Variants in CNTNAP4 observed in about 807,000 individuals in gnomAD.
CNTNAP4 encodes contactin associated protein family member 4, also known as contactin-associated protein-like 4.
Under a neutral mutation model 148.4 loss-of-function variants are expected in CNTNAP4, and 98 were observed. The ratio of observed to expected loss-of-function variants is 0.66; its 90% CI spans 0.56 to 0.78. The LOEUF (loss-of-function observed/expected upper bound fraction) is 0.78, where lower values mean the gene tolerates loss of function less well. CNTNAP4 is among the 30% of genes least tolerant of loss of function. The pLI is 0.00. For synonymous variants in CNTNAP4, 730 were observed against 565.1 expected (o/e 1.29, Z -4.14); for missense variants, 1,935 against 1,565.6 (o/e 1.24, Z -3.98).
chr16:76,299,472 G>A (rs1041183116), intron 1 of CNTNAP4, among the ~76,000 whole-genome samples: 9 of 151,952 alleles, frequency 5.9e-5, no homozygotes, highest in East Asian at 1.9e-4. Flanking sequence ...TTAGAATGGC[G>A]ATCATTAAAA....
chr16:76,459,417 A>G (rs2080856692), intron 8 of CNTNAP4, among the ~76,000 whole-genome samples: 1 of 150,572 alleles, frequency 6.6e-6, no homozygotes, highest in Admixed American at 6.7e-5. Flanking sequence ...TATCTTACAC[A>G]AACCAAACCA....
At chr16:76,367,434 G>T (rs1394712682) in intron 3 of CNTNAP4, among the ~76,000 whole-genome samples, 1 of 152,026 alleles carries the variant, frequency 6.6e-6, no homozygotes, top group Non-Finnish European at 1.5e-5. Context: ...GATAATATAT[G>T]GAAGGCTGCA....
intron 10 of CNTNAP4, among the ~76,000 whole-genome samples, chr16:76,468,367 G>T (rs912932211): frequency 6.6e-6 from 1 of 152,008 alleles, no homozygotes; most frequent in African/African-American, 2.4e-5. Context: ...CCAGCTACTC[G>T]GGAGGCTGAG....
chr16:76,350,066 G>C (rs992782574), intron 2 of CNTNAP4, among the ~76,000 whole-genome samples: 3 of 151,786 alleles, frequency 2.0e-5, no homozygotes, highest in African/African-American at 7.3e-5. Flanking sequence ...TTAGTAGATG[G>C]GATATATGAG....
intron 3 of CNTNAP4, among the ~76,000 whole-genome samples, chr16:76,400,003 A>G (rs912720204): frequency 1.3e-5 from 2 of 152,022 alleles, no homozygotes; most frequent in Non-Finnish European, 2.9e-5. Context: ...ATTAATACAA[A>G]CTATTTTAAT....
At chr16:76,551,635 A>G (rs2084956526) in intron 21 of CNTNAP4, among the ~76,000 whole-genome samples, 1 of 152,132 alleles carries the variant, frequency 6.6e-6, no homozygotes, top group Admixed American at 6.5e-5. Context: ...CTTCAGGTGA[A>G]TAGTTAAAAT....
intron 2 of CNTNAP4, among the ~76,000 whole-genome samples, chr16:76,329,754 C>G (rs759640323): frequency 6.6e-6 from 1 of 151,886 alleles, no homozygotes; most frequent in Non-Finnish European, 1.5e-5. Context: ...TTAATAGTAA[C>G]AGTATAAAAT....
chr16:76,380,697 G>A (rs1206592114), intron 3 of CNTNAP4, among the ~76,000 whole-genome samples: 3 of 152,066 alleles, frequency 2.0e-5, no homozygotes, highest in Non-Finnish European at 4.4e-5. Context: ...TATAGCTGAA[G>A]GGCTGTGTTC....
intron 12 of CNTNAP4, among the ~76,000 whole-genome samples, chr16:76,486,566 A>G (rs1456486986): frequency 6.6e-6 from 1 of 152,202 alleles, no homozygotes; most frequent in Non-Finnish European, 1.5e-5. Context: ...GACAAAAAAA[A>G]AAGTCTGGCA....
At chr16:76,453,162 G>C (rs8056027) in intron 8 of CNTNAP4, among the ~76,000 whole-genome samples, 2,749 of 152,226 alleles carry the variant, frequency 0.018, 91 homozygotes, top group African/African-American at 0.063. Context: ...GTCTTATCTG[G>C]TCTGTGAGAA....
intron 9 of CNTNAP4, 102 bp downstream of exon 9, chr16:76,462,207 G>A (rs1362742010): frequency 9.7e-7 from 1 of 1,026,184 alleles, no homozygotes; most frequent in Non-Finnish European, 1.4e-6. Context: ...TGAATACTAA[G>A]GAATAATTTT....
chr16:76,416,233 T>G (rs1393894421), intron 3 of CNTNAP4, among the ~76,000 whole-genome samples: 3 of 151,360 alleles, frequency 2.0e-5, no homozygotes, highest in Non-Finnish European at 4.4e-5. Flanking sequence ...TTGTTGATTT[T>G]CTCGAATGTT....
intron 17 of CNTNAP4, among the ~76,000 whole-genome samples, chr16:76,532,986 G>A (rs554836625): frequency 1.6e-4 from 24 of 152,180 alleles, no homozygotes; most frequent in Admixed American, 5.2e-4. Context: ...TCAATAATGG[G>A]CATTTATCCA....
chr16:76,279,626 A>G (rs1958612288), intron 1 of CNTNAP4, among the ~76,000 whole-genome samples: 1 of 152,104 alleles, frequency 6.6e-6, no homozygotes, highest in African/African-American at 2.4e-5. Flanking sequence ...GAACTTGCAA[A>G]ACCTATACGA....
In CNTNAP4 at chr16:76,553,550, G is replaced by A. The variant is rs1194975019; in HGVS notation, c.3661+49G>A. ...TCAGTCACAGACGTAGCTTGTCCATGGAATTTAGAAAACTTCTCATGTGGC... is the reference window on the plus strand; with the variant it reads ...TCAGTCACAGACGTAGCTTGTCCATAGAATTTAGAAAACTTCTCATGTGGC... On this transcript the variant is annotated intron_variant, in intron 22 of 23. Transcript: ENST00000611870. 5 of 1,371,988 alleles carry A rather than the reference G, an allele frequency of 3.6e-6. No homozygotes were observed. The African/African-American group carries it at 4.3e-5, about 12-fold the overall frequency. The allele number at this position is 1,371,988 out of a possible 1,614,324, so 85.0% of individuals were successfully genotyped here.
At chr16:76,308,123 A>T (rs1567647030) in intron 1 of CNTNAP4, among the ~76,000 whole-genome samples, 1 of 95,962 alleles carries the variant, frequency 1.0e-5, no homozygotes, top group African/African-American at 4.5e-5. Flanking sequence ...TTGCAGGAAC[A>T]TTTTTTTTTT....
At chr16:76,311,751 G>A (rs918669) in intron 1 of CNTNAP4, among the ~76,000 whole-genome samples, 1 of 151,820 alleles carries the variant, frequency 6.6e-6, no homozygotes, top group Non-Finnish European at 1.5e-5. Context: ...TTGTACAGAC[G>A]TCCATGAAAT....
intron 21 of CNTNAP4, among the ~76,000 whole-genome samples, chr16:76,548,080 C>A (rs2084809816): frequency 1.3e-5 from 2 of 152,206 alleles, no homozygotes; most frequent in Non-Finnish European, 2.9e-5. Flanking sequence ...GTGCATTAAT[C>A]AGGCTTTCAA....
chr16:76,393,130 A>G (rs923260387), intron 3 of CNTNAP4, among the ~76,000 whole-genome samples: 1 of 152,218 alleles, frequency 6.6e-6, no homozygotes, highest in Non-Finnish European at 1.5e-5. Context: ...CAACTACATT[A>G]CAACTTTTTC....
Sources: gnomAD v4.1 joint callset for allele counts (sites outside exome capture counted in the v4.1 genomes callset) on GRCh38, gnomAD v4.1.1 for gene constraint, MANE v1.5 for transcripts, NCBI Gene and HGNC (gene_info 2026-07-23, HGNC 2026-07-21) for gene names.